DNMT1: variants seen among roughly 807,000 people sequenced by gnomAD.
DNMT1 encodes the protein DNA methyltransferase 1.
DNMT1 carries 24 observed loss-of-function variants against 205.3 expected under a neutral mutation model. The ratio of observed to expected loss-of-function variants is 0.12; its 90% CI spans 0.08 to 0.16. The LOEUF is 0.16. Ranked by LOEUF, DNMT1 falls within the 10% of genes least tolerant of loss-of-function variation. The pLI is 1.00. For synonymous variants in DNMT1, 817 were observed against 839.8 expected (o/e 0.97, Z 0.47); for missense variants, 1,293 against 2,177.7 (o/e 0.59, Z 8.09).
chr19:10,137,077 G>A lies in DNMT1; in HGVS notation c.4489+8C>T. On this transcript the variant is annotated splice_region_variant and intron_variant, in intron 37 of 40. Transcript: ENST00000359526. The surrounding 1 kb of genome is among the most constrained non-coding windows in gnomAD (Gnocchi z 6.4). ...AGCCCACCGGGAACCACAACTTACA[G>A]GACCCACCTTCCACGCAGGAGCAGA... 1 of 1,611,160 alleles carries A rather than the reference G, an allele frequency of 6.2e-7. No homozygotes were observed. Among genetic ancestry groups the A allele is most frequent in the Non-Finnish European group, 8.5e-7 (1 of 1,179,270 alleles).
rs761953444 is a variant in DNMT1, at chr19:10,173,829, C to A, written c.683+42G>T. On this transcript the variant is annotated intron_variant, in intron 8 of 40. Transcript: ENST00000359526. ...AAAAAGTTTTGTGATCAAGATTACACAACTCGTAGAACAAAAAGAAAGGTA... is the reference window on the plus strand; with the variant it reads ...AAAAAGTTTTGTGATCAAGATTACAAAACTCGTAGAACAAAAAGAAAGGTA... The A allele has an allele frequency of 2.5e-6, 4 of 1,609,434 alleles. No individual in the cohort carries two copies. In the East Asian group the frequency reaches 6.7e-5, roughly 27 times the overall value.
At chr19:10,135,644 C>T in intron 39 of DNMT1, 92 bp downstream of exon 39, 4 of 1,384,644 alleles carry the variant, frequency 2.9e-6, no homozygotes, top group Non-Finnish European at 4.0e-6. Flanking sequence ...CAGGCGTCCT[C>T]CCGGAAGTGA....
At chr19:10,142,758 G>C (rs1476580608) in intron 29 of DNMT1, 2 of 160,248 alleles carry the variant, frequency 1.2e-5, no homozygotes, top group Non-Finnish European at 2.8e-5. Flanking sequence ...CTCCCCAAAT[G>C]AGGGAACTGC....
Position 10,149,924 on chromosome 19 carries a change from C to T in DNMT1, c.2310G>A (p.Ala770=), listed in dbSNP as rs771365059. The change falls in exon 25 of 41, where the codon GCG becomes GCA. Residue 770 remains alanine (A), a synonymous_variant. Coordinates refer to ENST00000359526, the MANE Select transcript of DNMT1 (RefSeq NM_001130823.3). ...KSYYKKVCID[A]ETLEVGDCVS... ...CACAGTCCCCCACTTCCAGGGTTTC[C>T]GCATCAATGCACACCTTCTTATAGT... 2.7e-5 allele frequency: 44 copies of T among 1,614,024 alleles called. No individual in the cohort carries two copies. Among genetic ancestry groups the T allele is most frequent in the Middle Eastern group, 1.6e-4 (1 of 6,084 alleles).
At chr19:10,172,984 C>A in intron 9 of DNMT1, 106 bp downstream of exon 9, 4 of 1,328,754 alleles carry the variant, frequency 3.0e-6, no homozygotes, top group Non-Finnish European at 4.3e-6. Context: ...CAAAACCCAT[C>A]TTGTTCTTCC....
At position 10,173,179 on chromosome 19, in the gene DNMT1, C is replaced by G. The variant is rs747753763; in HGVS notation, c.684-5G>C. 5 of 1,614,034 alleles carry G rather than the reference C, an allele frequency of 3.1e-6. No individual in the cohort carries two copies. Among genetic ancestry groups the G allele is most frequent in the Admixed American group, 1.7e-5 (1 of 59,980 alleles). On this transcript the variant is annotated splice_polypyrimidine_tract_variant and splice_region_variant and intron_variant, in intron 8 of 40. Coordinates refer to ENST00000359526, the MANE Select transcript of DNMT1 (RefSeq NM_001130823.3). ...GCAGGAAGCGGTCTAGCAACTCTGT[C>G]AAGCAAAATAACACAGACCCCAAGT...
At chr19:10,148,355 G>A in intron 27 of DNMT1, among the ~76,000 whole-genome samples, 1 of 150,416 alleles carries the variant, frequency 6.6e-6, no homozygotes, top group Non-Finnish European at 1.5e-5. Context: ...AACTAGCCGG[G>A]TGTGGTGGCA....
At chr19:10,191,149 T>G (rs1599412151) in intron 1 of DNMT1, among the ~76,000 whole-genome samples, 1 of 150,490 alleles carries the variant, frequency 6.6e-6, no homozygotes, top group Non-Finnish European at 1.5e-5. Context: ...GGCGTGGTGG[T>G]GCACACCTGT....
In DNMT1 at chr19:10,143,966, C is replaced by G; in HGVS notation, c.2916G>C (p.Val972=). ...CCACGGGCTCCTTCCGTGGGCGTTT[C>G]ACGGGACTGGACAGCTTGATGCTGC... ...FTFNIKLSSP[V]KRPRKEPVDE... Residue 972 remains valine (V), a synonymous_variant, in exon 29 of 41, where the codon GTG becomes GTC. Transcript: ENST00000359526. The G allele has an allele frequency of 6.2e-7, 1 of 1,613,950 alleles. No homozygotes were observed. The highest frequency in any genetic ancestry group is 8.5e-7 in the Non-Finnish European group (1 of 1,179,962).
Position 10,133,616 on chromosome 19 carries a change from T to C in DNMT1, c.*51A>G. ...TGACATGTTAAAAACACAACATCAG[T>C]GCATGTTGGGGATTCCTGGTGCCAG... On this transcript the variant is annotated 3_prime_UTR_variant, in exon 41 of 41. Coordinates refer to ENST00000359526, the MANE Select transcript of DNMT1 (RefSeq NM_001130823.3). This position sits in a 1 kb window ranked among gnomAD's most constrained non-coding sequence, Gnocchi z 4.1. The C allele has an allele frequency of 6.4e-7, 1 of 1,567,542 alleles. No homozygotes were observed. The highest frequency in any genetic ancestry group is 8.7e-7 in the Non-Finnish European group (1 of 1,151,554).
At chr19:10,191,159 T>C (rs2039297565) in intron 1 of DNMT1, among the ~76,000 whole-genome samples, 1 of 151,688 alleles carries the variant, frequency 6.6e-6, no homozygotes, top group Non-Finnish European at 1.5e-5. Flanking sequence ...TGCACACCTG[T>C]AATCCCAGCT....
Position 10,138,609 on chromosome 19 carries a change from T to TG in DNMT1, c.3949-5dup, listed in dbSNP as rs780030001. 73 of 1,601,536 alleles carry TG rather than the reference T, an allele frequency of 4.6e-5. No homozygotes were observed. The African/African-American group carries it at 8.0e-4, about 18-fold the overall frequency. ...GGGCCACGCCGTACTGACCGGCCTG[T>TG]GGGGGAGAAGGACGGACAACCCCAC... is the stretch of plus-strand genomic sequence containing the variant. On this transcript the variant is annotated splice_polypyrimidine_tract_variant and splice_region_variant and intron_variant, in intron 34 of 40. Coordinates refer to ENST00000359526, the MANE Select transcript of DNMT1 (RefSeq NM_001130823.3). This position sits in a 1 kb window ranked among gnomAD's most constrained non-coding sequence, Gnocchi z 4.1.
chr19:10,182,621 T>C (rs1239309279), intron 1 of DNMT1, among the ~76,000 whole-genome samples: 1 of 151,320 alleles, frequency 6.6e-6, no homozygotes, highest in Non-Finnish European at 1.5e-5. Flanking sequence ...TATATATGTG[T>C]ATATATATAC....
rs1425787169 is a variant in DNMT1, at chr19:10,180,412, G to A, written c.383C>T (p.Pro128Leu). The change falls in exon 4 of 41, where the codon CCC becomes CTC. Residue 128 changes from proline to leucine, a missense_variant. Coordinates refer to ENST00000359526, the MANE Select transcript of DNMT1 (RefSeq NM_001130823.3). ...GCGAGGTTTGGAAAGGGGTTTGGGG[G>A]GGCTGTTGGCATCTGCCATTCCCAC... ...RRVGMADANS[P>L]PKPLSKPRTP... The A allele has an allele frequency of 6.2e-7, 1 of 1,614,004 alleles. No homozygotes were observed. Among genetic ancestry groups the A allele is most frequent in the Admixed American group, 1.7e-5 (1 of 59,990 alleles).
chr19:10,180,496 T>C lies in DNMT1; in HGVS notation c.299A>G (p.Asn100Ser), dbSNP rs1375073063. ...TTCTAGACGTCCATTCACTTCCCGG[T>C]TGTAAGCATGAGCACCGTTCTCCAA... ...LSLENGAHAY[N>S]REVNGRLENG... The change falls in exon 4 of 41, where the codon AAC becomes AGC. Residue 100 changes from asparagine to serine, a missense_variant. Asn to Ser is a conservative substitution (Grantham distance 46). Around this residue, in one of 13 missense-constraint regions of DNMT1, gnomAD observed 394 missense variants for 451.6 expected, o/e 0.87. Transcript: ENST00000359526. 2 of 1,614,136 alleles carry C rather than the reference T, an allele frequency of 1.2e-6. No individual in the cohort carries two copies. Among genetic ancestry groups the C allele is most frequent in the South Asian group, 1.1e-5 (1 of 91,084 alleles).
intron 17 of DNMT1, among the ~76,000 whole-genome samples, chr19:10,157,283 GT>G (rs200125378): frequency 0.015 from 2,357 of 152,150 alleles, 70 homozygotes; most frequent in African/African-American, 0.054. Flanking sequence ...ACCTCATATG[GT>G]TAATTTTATA....
In DNMT1 at chr19:10,162,740, T is replaced by C. The variant is rs544747966; in HGVS notation, c.935A>G (p.Lys312Arg). Residue 312 changes from lysine to arginine, a missense_variant, in exon 13 of 41, where the codon AAA becomes AGA. Transcript: ENST00000359526. ...HRSQPKDLAA[K>R]RRPEEKEPEK... ...AGGTTCTTTTTCTTCGGGCCTCCGTTTGGCAGCTCTGCAGGGTGAACAGAT... is the reference window on the plus strand; with the variant it reads ...AGGTTCTTTTTCTTCGGGCCTCCGTCTGGCAGCTCTGCAGGGTGAACAGAT... 4 of 1,614,096 alleles carry C rather than the reference T, an allele frequency of 2.5e-6. No individual in the cohort carries two copies. The highest frequency in any genetic ancestry group is 3.4e-6 in the Non-Finnish European group (4 of 1,180,022).
Position 10,146,305 on chromosome 19 carries a change from T to G in DNMT1, c.2894+46A>C, listed in dbSNP as rs1236216694. 1.7e-5 allele frequency: 28 copies of G among 1,607,624 alleles called. No homozygotes were observed. Among genetic ancestry groups the G allele is most frequent in the Non-Finnish European group, 2.4e-5 (28 of 1,176,964 alleles). On this transcript the variant is annotated intron_variant, in intron 28 of 40. Coordinates refer to ENST00000359526, the MANE Select transcript of DNMT1 (RefSeq NM_001130823.3). The surrounding 1 kb of genome is among the most constrained non-coding windows in gnomAD (Gnocchi z 4.4). ...GGGGACACCACAAAGCCAGCCTGGC[T>G]CAGCCTGGAGCGCCCTGGCCCCGGC...
chr19:10,170,587 G>A (rs1441993930), intron 9 of DNMT1, among the ~76,000 whole-genome samples: 1 of 151,836 alleles, frequency 6.6e-6, no homozygotes, highest in African/African-American at 2.4e-5. Context: ...AGAGGTTGCA[G>A]TGAGCCGAGA....
Sources: allele counts gnomAD v4.1 joint callset (sites outside exome capture counted in the v4.1 genomes callset), GRCh38; gene constraint gnomAD v4.1.1; regional missense constraint gnomAD v4.1.1; non-coding constraint Gnocchi (gnomAD v3.1); transcripts MANE v1.5; gene names NCBI Gene and HGNC (gene_info 2026-07-23, HGNC 2026-07-21).